CRISP2: variants seen among roughly 807,000 people sequenced by gnomAD.
The protein encoded by CRISP2 is cysteine rich secretory protein 2.
A neutral mutation model predicts 31.7 loss-of-function variants in CRISP2; 29 were observed. That is an observed-to-expected ratio of 0.92 (90% CI 0.68 to 1.25). The LOEUF is 1.25. Among genes scored for constraint, CRISP2 ranks in the 50% most tolerant of loss-of-function variants. The probability of loss-of-function intolerance (pLI) is 0.00; values close to 1 mark genes in which losing one functional copy is unlikely to be tolerated. For missense variants in CRISP2, 318 were observed against 286.5 expected (o/e 1.11, Z -0.79); for synonymous variants, 111 against 101.4 (o/e 1.09, Z -0.57).
At chr6:49,684,048 G>A in the CRISP2 span, among the ~76,000 whole-genome samples, 33 of 152,036 alleles carry the variant, frequency 2.2e-4, no homozygotes, top group African/African-American at 7.7e-4. Context: ...TTGGCTGATT[G>A]TATCTGGGCA....
chr6:49,683,431 T>C, the CRISP2 span, among the ~76,000 whole-genome samples: 6 of 150,418 alleles, frequency 4.0e-5, no homozygotes, highest in African/African-American at 1.2e-4. Context: ...TCCCAGCACT[T>C]TGGGAGGCTG....
intron 6 of CRISP2, among the ~76,000 whole-genome samples, chr6:49,698,746 T>G (rs1169748361): frequency 6.6e-6 from 1 of 152,122 alleles, no homozygotes; most frequent in Non-Finnish European, 1.5e-5. Context: ...AACACTCTGC[T>G]CCTTAAAAAT....
Position 49,708,590 on chromosome 6 carries a change from A to G in CRISP2, c.66+541T>C, listed in dbSNP as rs183334821. Reference sequence around the variant, plus strand: ...GGCAGAGACCACCAGAAGGTGGGGAAAGGCATGGAACAGGTCCCTCTTAGA... The same window carrying G: ...GGCAGAGACCACCAGAAGGTGGGGAGAGGCATGGAACAGGTCCCTCTTAGA... On this transcript the variant is annotated intron_variant, in intron 4 of 9. Coordinates refer to ENST00000339139, the MANE Select transcript of CRISP2 (RefSeq NM_003296.4). 5.3e-4 allele frequency among the ~76,000 whole-genome samples: 80 copies of G among 152,248 alleles called. 1 individual carries two copies. The East Asian group carries it at 0.012, about 23-fold the overall frequency.
chr6:49,679,982 A>G, the CRISP2 span, among the ~76,000 whole-genome samples: 1 of 152,210 alleles, frequency 6.6e-6, no homozygotes, highest in African/African-American at 2.4e-5. Context: ...CTGGGATTAC[A>G]GGTGTGAGCC....
intron 8 of CRISP2, 44 bp from the exon 9 acceptor site, chr6:49,695,968 T>A (rs1764672039): frequency 7.6e-7 from 1 of 1,324,128 alleles, no homozygotes. Context: ...CTTTACTGTT[T>A]ATACTCTAAG....
chr6:49,676,889 A>T, the CRISP2 span, among the ~76,000 whole-genome samples: 1 of 152,156 alleles, frequency 6.6e-6, no homozygotes, highest in African/African-American at 2.4e-5. Context: ...AGCTGGCATC[A>T]CTAGTTTTGT....
At chr6:49,703,989 A>G (rs187673622) in intron 4 of CRISP2, among the ~76,000 whole-genome samples, 29 of 152,246 alleles carry the variant, frequency 1.9e-4, no homozygotes, top group African/African-American at 4.6e-4. Context: ...AGGAACATCA[A>G]TTATTCTTAG....
the CRISP2 span, among the ~76,000 whole-genome samples, chr6:49,687,059 G>C: frequency 2.6e-5 from 4 of 152,146 alleles, no homozygotes; most frequent in South Asian, 6.2e-4. Context: ...TTGTGGGATG[G>C]GGGGAGAGGG....
chr6:49,706,339 C>A (rs553610834), intron 4 of CRISP2, among the ~76,000 whole-genome samples: 1 of 152,166 alleles, frequency 6.6e-6, no homozygotes, highest in African/African-American at 2.4e-5. Flanking sequence ...TATTATGTAG[C>A]AAATTTTATG....
chr6:49,681,964 A>G, the CRISP2 span, among the ~76,000 whole-genome samples: 3 of 152,200 alleles, frequency 2.0e-5, no homozygotes. Context: ...CAAGCATTTA[A>G]ATAATTATTT....
At chr6:49,695,549 CA>C (rs1183786427) in intron 9 of CRISP2, among the ~76,000 whole-genome samples, 2 of 151,900 alleles carry the variant, frequency 1.3e-5, no homozygotes, top group Non-Finnish European at 2.9e-5. Flanking sequence ...AACTATTTAC[CA>C]AAATGGTATA....
intron 8 of CRISP2, among the ~76,000 whole-genome samples, chr6:49,697,407 G>GTGTGTGT (rs970345647): frequency 1.3e-5 from 2 of 151,046 alleles, no homozygotes; most frequent in African/African-American, 4.9e-5. Flanking sequence ...TGTGTGTGGT[G>GTGTGTGT]GTGTGTGTGT....
downstream of CRISP2, among the ~76,000 whole-genome samples, chr6:49,692,197 G>T (rs576703736): frequency 2.0e-4 from 30 of 152,168 alleles, no homozygotes; most frequent in Non-Finnish European, 4.0e-4. Context: ...CAACTATTTT[G>T]AAAATGTTGC....
the CRISP2 span, among the ~76,000 whole-genome samples, chr6:49,679,662 T>C: frequency 8.0e-5 from 12 of 149,962 alleles, no homozygotes; most frequent in African/African-American, 3.0e-4. Context: ...TGCTGAATCT[T>C]ACCCCAGTTT....
downstream of CRISP2, among the ~76,000 whole-genome samples, chr6:49,689,070 C>T (rs569993115): frequency 5.3e-5 from 8 of 152,160 alleles, no homozygotes; most frequent in East Asian, 1.2e-3. Flanking sequence ...TGAAGATTCA[C>T]CATGTTGATC....
downstream of CRISP2, among the ~76,000 whole-genome samples, chr6:49,689,875 G>A (rs559932268): frequency 9.2e-5 from 14 of 152,086 alleles, no homozygotes; most frequent in South Asian, 2.7e-3. Flanking sequence ...TCTTTCCAGA[G>A]AGAAACCAAG....
At chr6:49,703,706 T>G (rs935704884) in intron 4 of CRISP2, among the ~76,000 whole-genome samples, 1 of 152,170 alleles carries the variant, frequency 6.6e-6, no homozygotes, top group African/African-American at 2.4e-5. Flanking sequence ...CTTACAGGAT[T>G]TCTGCAGATA....
chr6:49,698,405 A>G lies in CRISP2; in HGVS notation c.374T>C (p.Val125Ala). The G allele has an allele frequency of 1.2e-6, 2 of 1,613,488 alleles. No individual in the cohort carries two copies. Among genetic ancestry groups the G allele is most frequent in the Middle Eastern group, 1.6e-4 (1 of 6,062 alleles). The change falls in exon 7 of 10, where the codon GTA (valine) becomes GCA (alanine). Residue 125 changes from valine to alanine, a missense_variant. Physicochemically the swap from Val to Ala is moderately conservative, Grantham distance 64 (BLOSUM62 0). Transcript: ENST00000339139. ...AACTGCATTGGGACTCTTTGGTCCT[A>G]CACCATAGACAAAATCTAGGATCTC... is the stretch of plus-strand genomic sequence containing the variant. ...YDEILDFVYG[V>A]GPKSPNAVVG... is the part of the protein sequence containing the mutation.
upstream of CRISP2, among the ~76,000 whole-genome samples, chr6:49,713,829 G>A (rs1419380011): frequency 6.6e-6 from 1 of 152,142 alleles, no homozygotes; most frequent in Non-Finnish European, 1.5e-5. Flanking sequence ...TTGCCCAGGG[G>A]GTGGCTTGAA....
Sources: allele counts gnomAD v4.1 joint callset (sites outside exome capture counted in the v4.1 genomes callset), GRCh38; gene constraint gnomAD v4.1.1; transcripts MANE v1.5; gene names NCBI Gene and HGNC (gene_info 2026-07-23, HGNC 2026-07-21).